The following BACE2 variants were observed in gnomAD, a reference collection of about 807,000 sequenced individuals.
BACE2 encodes the protein 56 kDa aspartic-like protease.
BACE2 carries 17 observed loss-of-function variants against 46.2 expected under a neutral mutation model. The ratio of observed to expected loss-of-function variants is 0.37; its 90% confidence interval spans 0.25 to 0.55. The LOEUF is 0.55. Ranked by LOEUF, BACE2 falls within the 20% of genes least tolerant of loss-of-function variation. BACE2 has a pLI of 0.82. For missense variants in BACE2, 595 were observed against 698.1 expected, an observed-to-expected ratio of 0.85 and a Z score of 1.66; for synonymous variants, 277 against 295.9, an observed-to-expected ratio of 0.94 and a Z score of 0.66.
At position 41,281,541 on chromosome 21, in the gene BACE2, C is replaced by T. The variant is rs2838005; in HGVS notation, c.*5917C>T. 91,587 of 152,088 alleles carry T rather than the reference C, an allele frequency of 0.6. 28,717 individuals carry two copies. The highest frequency in any genetic ancestry group is 0.85 in the East Asian group (4,391 of 5,178). 9.4% of individuals were successfully genotyped at this position (152,088 alleles called of 1,614,324 possible). On this transcript the variant is annotated 3_prime_UTR_variant, in exon 9 of 9. Transcript: ENST00000330333. ...TCTGTTGAGTGCTATATGTGGAGGT[C>T]ATTGCAAGTTCCCTGATATGAGTAT...
intron 1 of BACE2, among the ~76,000 whole-genome samples, chr21:41,214,937 G>A (rs1986411988): frequency 6.6e-6 from 1 of 152,002 alleles, no homozygotes; most frequent in South Asian, 2.1e-4. Flanking sequence ...TATGGGGGGA[G>A]GGCAGAGATC....
intron 5 of BACE2, 51 bp from the exon 6 acceptor site, chr21:41,245,911 G>C: frequency 7.0e-7 from 1 of 1,432,086 alleles, no homozygotes; most frequent in Non-Finnish European, 9.6e-7. Flanking sequence ...CACGTGGGGC[G>C]GGGAGCGCCA....
chr21:41,218,014 T>A lies in BACE2; in HGVS notation c.313-8252T>A, dbSNP rs530872906. On this transcript the variant is annotated intron_variant, in intron 1 of 8. Transcript: ENST00000330333. ...ACCTCCAGAACTGCCAGAAAATAAA[T>A]GTATATTATCTCATGCCAACCAGTT... Among the ~76,000 whole-genome samples, 5 of 152,330 alleles carry A rather than the reference T, an allele frequency of 3.3e-5. No homozygotes were observed. The East Asian group carries it at 9.7e-4, about 29-fold the overall frequency.
At chr21:41,249,688 G>A (rs993161282) in intron 6 of BACE2, among the ~76,000 whole-genome samples, 1 of 152,058 alleles carries the variant, frequency 6.6e-6, no homozygotes, top group Non-Finnish European at 1.5e-5. Flanking sequence ...AAGCTCCCTG[G>A]ACAGACACCC....
chr21:41,222,402 G>A (rs1463935636), intron 1 of BACE2, among the ~76,000 whole-genome samples: 1 of 152,228 alleles, frequency 6.6e-6, no homozygotes, highest in African/African-American at 2.4e-5. Context: ...CTGGAAGGGA[G>A]CGATGGGCCG....
At chr21:41,177,391 A>C in intron 1 of BACE2, 1 of 152,362 alleles carries the variant, frequency 6.6e-6, no homozygotes. Context: ...GCTCTAAAAT[A>C]AGGCAGCCCT....
At chr21:41,188,984 C>T (rs1012036192) in intron 1 of BACE2, among the ~76,000 whole-genome samples, 7 of 152,198 alleles carry the variant, frequency 4.6e-5, no homozygotes, top group Non-Finnish European at 7.3e-5. Flanking sequence ...CCAGCAGTCT[C>T]GCTCCTGTGG....
At chr21:41,209,193 A>G (rs1193165882) in intron 1 of BACE2, among the ~76,000 whole-genome samples, 1 of 152,174 alleles carries the variant, frequency 6.6e-6, no homozygotes, top group Non-Finnish European at 1.5e-5. Flanking sequence ...TCTGATTCTG[A>G]TTAAAGCCCC....
chr21:41,254,509 G>A (rs112979098), intron 7 of BACE2, among the ~76,000 whole-genome samples: 1 of 152,166 alleles, frequency 6.6e-6, no homozygotes, highest in African/African-American at 2.4e-5. Context: ...TCACAGGAAG[G>A]TTCGTTTTCT....
At chr21:41,263,927 C>T (rs564861392) in intron 8 of BACE2, among the ~76,000 whole-genome samples, 1 of 152,338 alleles carries the variant, frequency 6.6e-6, no homozygotes, top group African/African-American at 2.4e-5. Flanking sequence ...AACTCTTCCA[C>T]TATTGCCTCA....
Position 41,266,914 on chromosome 21 carries a change from C to T in BACE2, c.1304-8457C>T, listed in dbSNP as rs117049465. On this transcript the variant is annotated intron_variant, in intron 8 of 8. Transcript: ENST00000330333. ...CACCAGTCACTGTTTGAGGACCCCA[C>T]ATCTTTGGAAGCTGCCCTTCTCTCA... Among the ~76,000 whole-genome samples the T allele has an allele frequency of 7.1e-3, 1,082 of 152,072 alleles. 11 individuals carry two copies. The highest frequency in any genetic ancestry group is 9.8e-3 in the Non-Finnish European group (664 of 67,990).
At chr21:41,244,880 T>TGTG (rs1450351276) in intron 5 of BACE2, among the ~76,000 whole-genome samples, 5 of 151,702 alleles carry the variant, frequency 3.3e-5, no homozygotes, top group African/African-American at 7.3e-5. Flanking sequence ...TGTGTGTGTG[T>TGTG]GAGTGTGTGT....
At chr21:41,266,823 TAGAGTTAA>T (rs1351170711) in intron 8 of BACE2, among the ~76,000 whole-genome samples, 77 of 152,350 alleles carry the variant, frequency 5.1e-4, no homozygotes, top group Non-Finnish European at 2.8e-4. Flanking sequence ...GACTCAGCTA[TAGAGTTAA>T]AAAGTTATAT....
At chr21:41,255,757 C>T (rs1258518649) in intron 7 of BACE2, among the ~76,000 whole-genome samples, 1 of 152,086 alleles carries the variant, frequency 6.6e-6, no homozygotes, top group African/African-American at 2.4e-5. Flanking sequence ...ATTCTCTTGC[C>T]CAAAATTCCT....
intron 1 of BACE2, among the ~76,000 whole-genome samples, chr21:41,213,701 G>A (rs958269137): frequency 1.3e-5 from 2 of 152,148 alleles, no homozygotes; most frequent in African/African-American, 2.4e-5. Flanking sequence ...TTGAACCCGG[G>A]AGGTAGAGGT....
chr21:41,231,874 A>T (rs558094566), intron 2 of BACE2, among the ~76,000 whole-genome samples: 22 of 152,296 alleles, frequency 1.4e-4, no homozygotes, highest in African/African-American at 5.1e-4. Context: ...GAAAATGAAG[A>T]TGAAGGCATG....
At position 41,207,103 on chromosome 21, in the gene BACE2, A is replaced by G. The variant is rs7283901; in HGVS notation, c.313-19163A>G. 5.5e-3 allele frequency among the ~76,000 whole-genome samples: 840 copies of G among 152,364 alleles called. 8 individuals are homozygous for G. Among genetic ancestry groups the G allele is most frequent in the African/African-American group, 0.019 (808 of 41,580 alleles). On this transcript the variant is annotated intron_variant, in intron 1 of 8. Coordinates refer to ENST00000330333, the MANE Select transcript of BACE2 (RefSeq NM_012105.5). The stretch of plus-strand genomic sequence containing the variant: ...CCAGAAACATCTTGAGAACTAAGAC[A>G]TTACACCTTTGATAAGAATTTATTC...
chr21:41,226,505 T>G, intron 2 of BACE2, 151 bp downstream of exon 2: 1 of 635,236 alleles, frequency 1.6e-6, no homozygotes, highest in Non-Finnish European at 2.8e-6. Context: ...TGTGGACATG[T>G]GTATGCATAT....
Position 41,247,300 on chromosome 21 carries a change from G to A in BACE2, c.984+1237G>A, listed in dbSNP as rs576907873. Among the ~76,000 whole-genome samples the A allele has an allele frequency of 5.3e-5, 8 of 152,270 alleles. No homozygotes were observed. In the South Asian group the frequency reaches 1.7e-3, roughly 32 times the overall value. On this transcript the variant is annotated intron_variant, in intron 6 of 8. Transcript: ENST00000330333. ...AGGGGGAATAGGCAGGAAAGGACGCGGGCTCTTTTCGAAGCAGCAGGTCTC... is the reference window on the plus strand; with the variant it reads ...AGGGGGAATAGGCAGGAAAGGACGCAGGCTCTTTTCGAAGCAGCAGGTCTC...
Sources: allele counts gnomAD v4.1 joint callset (sites outside exome capture counted in the v4.1 genomes callset), GRCh38; gene constraint gnomAD v4.1.1; transcripts MANE v1.5; gene names NCBI Gene and HGNC (gene_info 2026-07-23, HGNC 2026-07-21).